BFSP2: variants seen among roughly 807,000 people sequenced by gnomAD.
The protein encoded by BFSP2 is beaded filament structural protein 2, also known as phakinin.
Under a neutral mutation model 44.9 loss-of-function variants are expected in BFSP2, and 38 were observed. That is an observed-to-expected ratio of 0.85 (90% CI 0.65 to 1.11). The LOEUF is 1.11. Ranked by LOEUF, BFSP2 falls within the 50% of genes least tolerant of loss-of-function variation. BFSP2 has a pLI of 0.00. For synonymous variants in BFSP2, 197 were observed against 209.9 expected, an observed-to-expected ratio of 0.94 and a Z score of 0.53; for missense variants, 525 against 533.0, an observed-to-expected ratio of 0.99 and a Z score of 0.15.
At chr3:133,408,455 C>T (rs1431966259) in intron 1 of BFSP2, among the ~76,000 whole-genome samples, 1 of 152,208 alleles carries the variant, frequency 6.6e-6, no homozygotes, top group East Asian at 1.9e-4. Context: ...TTGGCAACAT[C>T]TAGACAAATT....
chr3:133,469,514 G>A (rs2074143043), intron 5 of BFSP2, among the ~76,000 whole-genome samples: 2 of 152,188 alleles, frequency 1.3e-5, no homozygotes, highest in South Asian at 4.1e-4. Flanking sequence ...GGAATTCAAG[G>A]CCAGAAGTCA....
At chr3:133,416,185 T>C (rs1413180610) in intron 1 of BFSP2, among the ~76,000 whole-genome samples, 3 of 112,448 alleles carry the variant, frequency 2.7e-5, no homozygotes, top group African/African-American at 1.1e-4. Flanking sequence ...TCAGCCCTGT[T>C]CTCTCCCCTT....
intron 1 of BFSP2, among the ~76,000 whole-genome samples, chr3:133,436,732 T>A (rs1228087723): frequency 1.3e-5 from 2 of 152,200 alleles, no homozygotes; most frequent in East Asian, 1.9e-4. Flanking sequence ...ATTAGGTATA[T>A]CTCCTAATGC....
At chr3:133,427,331 C>T (rs2073663263) in intron 1 of BFSP2, among the ~76,000 whole-genome samples, 1 of 152,224 alleles carries the variant, frequency 6.6e-6, no homozygotes, top group South Asian at 2.1e-4. Context: ...ATCCTCACAG[C>T]CTCCCTTTAG....
chr3:133,457,942 T>G (rs994700880), intron 4 of BFSP2, among the ~76,000 whole-genome samples: 2 of 152,212 alleles, frequency 1.3e-5, no homozygotes, highest in Non-Finnish European at 2.9e-5. Context: ...TAGAAGAAAT[T>G]AGTCACTAAC....
intron 4 of BFSP2, among the ~76,000 whole-genome samples, chr3:133,451,592 T>C (rs1338339918): frequency 2.6e-5 from 4 of 152,350 alleles, no homozygotes; most frequent in African/African-American, 9.6e-5. Flanking sequence ...TCCTGGTATA[T>C]ACAGTAGGGT....
intron 6 of BFSP2, among the ~76,000 whole-genome samples, chr3:133,474,478 T>C (rs1436177253): frequency 1.3e-5 from 2 of 152,236 alleles, no homozygotes; most frequent in East Asian, 1.9e-4. Flanking sequence ...ATGGAAAATA[T>C]GTCATCCAGC....
intron 1 of BFSP2, among the ~76,000 whole-genome samples, chr3:133,440,608 G>A (rs966335788): frequency 3.3e-5 from 5 of 152,170 alleles, no homozygotes; most frequent in Non-Finnish European, 7.3e-5. Context: ...GTTGCTGGAG[G>A]TGGAAGTCTA....
intron 1 of BFSP2, among the ~76,000 whole-genome samples, chr3:133,445,807 C>A (rs1305140855): frequency 6.6e-6 from 1 of 151,948 alleles, no homozygotes; most frequent in African/African-American, 2.4e-5. Flanking sequence ...CTTGAGCATC[C>A]GTGGGGGACT....
chr3:133,414,730 AC>A (rs1701656438), intron 1 of BFSP2, among the ~76,000 whole-genome samples: 1 of 86,274 alleles, frequency 1.2e-5, no homozygotes, highest in Non-Finnish European at 2.3e-5. Flanking sequence ...CCCTCTACTT[AC>A]CCCTGCCATT....
intron 1 of BFSP2, among the ~76,000 whole-genome samples, chr3:133,444,100 A>G (rs1399002051): frequency 6.6e-6 from 1 of 151,874 alleles, no homozygotes; most frequent in African/African-American, 2.4e-5. Context: ...AAAAAAATAT[A>G]TATGTATATA....
chr3:133,412,585 C>G (rs1475308951), intron 1 of BFSP2: 2 of 152,236 alleles, frequency 1.3e-5, no homozygotes, highest in Non-Finnish European at 2.9e-5. Flanking sequence ...AGAGCGGGGC[C>G]CCGCGTGGAC....
At chr3:133,462,843 A>G (rs1275504801) in intron 4 of BFSP2, among the ~76,000 whole-genome samples, 1 of 152,224 alleles carries the variant, frequency 6.6e-6, no homozygotes, top group Non-Finnish European at 1.5e-5. Context: ...TTGATTACTA[A>G]TTTCTGATTA....
At chr3:133,408,098 G>GA (rs1330515027) in intron 1 of BFSP2, among the ~76,000 whole-genome samples, 19 of 149,036 alleles carry the variant, frequency 1.3e-4, no homozygotes, top group Non-Finnish European at 1.9e-4. Context: ...TGACAAACTA[G>GA]AAAAAAAAAT....
chr3:133,440,092 G>C lies in BFSP2; in HGVS notation c.490-7225G>C, dbSNP rs530747038. On this transcript the variant is annotated intron_variant, in intron 1 of 6. Coordinates refer to ENST00000302334, the MANE Select transcript of BFSP2 (RefSeq NM_003571.4). ...CCTCACAATCATGGCAGAAGGCAAA[G>C]GAGGAGCAAAGGCACATCTTACATG... 4.9e-4 allele frequency among the ~76,000 whole-genome samples: 75 copies of C among 152,338 alleles called. 1 individual carries two copies. The highest frequency in any genetic ancestry group is 1.8e-3 in the African/African-American group (73 of 41,576).
At chr3:133,463,679 C>G (rs2074084613) in intron 4 of BFSP2, among the ~76,000 whole-genome samples, 1 of 152,190 alleles carries the variant, frequency 6.6e-6, no homozygotes, top group South Asian at 2.1e-4. Context: ...TGCCCAACTC[C>G]TGAGATCTTA....
intron 1 of BFSP2, among the ~76,000 whole-genome samples, chr3:133,406,374 T>C (rs941859122): frequency 6.6e-6 from 1 of 152,226 alleles, no homozygotes; most frequent in Non-Finnish European, 1.5e-5. Flanking sequence ...AGGGCCTCTT[T>C]CCATGCCCCT....
intron 4 of BFSP2, among the ~76,000 whole-genome samples, chr3:133,450,819 A>G (rs1291103849): frequency 6.6e-6 from 1 of 152,212 alleles, no homozygotes; most frequent in Non-Finnish European, 1.5e-5. Flanking sequence ...CAATCCTGAA[A>G]GAATAATTGA....
chr3:133,438,912 A>G (rs2073817949), intron 1 of BFSP2, among the ~76,000 whole-genome samples: 1 of 152,204 alleles, frequency 6.6e-6, no homozygotes, highest in South Asian at 2.1e-4. Context: ...TACATAGTTG[A>G]AATTTCCCAT....
Sources: gnomAD v4.1 joint callset for allele counts (sites outside exome capture counted in the v4.1 genomes callset) on GRCh38, gnomAD v4.1.1 for gene constraint, MANE v1.5 for transcripts, NCBI Gene and HGNC (gene_info 2026-07-23, HGNC 2026-07-21) for gene names.